Variants in C11orf65 observed in about 807,000 individuals in gnomAD.
The protein encoded by C11orf65 is chromosome 11 open reading frame 65.
In C11orf65, 38 loss-of-function variants were observed where a neutral mutation model predicts 35.3. The ratio of observed to expected loss-of-function variants is 1.08; its 90% CI spans 0.83 to 1.41. The LOEUF (loss-of-function observed/expected upper bound fraction) is 1.41. Among genes scored for constraint, C11orf65 ranks in the 40% most tolerant of loss-of-function variants. C11orf65 has a pLI of 0.00. For missense variants in C11orf65, 370 were observed against 367.1 expected, an observed-to-expected ratio of 1.01 and a Z score of -0.06; for synonymous variants, 105 against 114.4, an observed-to-expected ratio of 0.92 and a Z score of 0.53.
intron 2 of C11orf65, chr11:108,365,577 G>T (rs575824754): frequency 6.6e-7 from 1 of 1,522,912 alleles, no homozygotes; most frequent in South Asian, 1.2e-5. Context: ...TTTTTAACCT[G>T]CCAACATACT....
chr11:108,438,159 T>C (rs2093093490), intron 2 of C11orf65, among the ~76,000 whole-genome samples: 1 of 152,182 alleles, frequency 6.6e-6, no homozygotes, highest in African/African-American at 2.4e-5. Flanking sequence ...AAGAGGACAG[T>C]ATTTTCAACA....
chr11:108,357,495 C>T (rs2090138393), intron 2 of C11orf65, among the ~76,000 whole-genome samples: 1 of 152,202 alleles, frequency 6.6e-6, no homozygotes, highest in South Asian at 2.1e-4. Flanking sequence ...GGGGGCAGGG[C>T]ACAGACAAAC....
At chr11:108,315,766 A>G (rs2136114083) in intron 6 of C11orf65, 1 of 1,417,264 alleles carries the variant, frequency 7.1e-7, no homozygotes, top group Non-Finnish European at 9.9e-7. Flanking sequence ...AAAATTTGCT[A>G]AATTTATAGA....
intron 1 of C11orf65, among the ~76,000 whole-genome samples, chr11:108,462,150 C>G (rs1241063686): frequency 3.3e-5 from 5 of 152,122 alleles, no homozygotes; most frequent in Non-Finnish European, 7.3e-5. Flanking sequence ...CTCGATTGCT[C>G]CTCCTGCCTC....
chr11:108,387,922 T>C (rs1418683424), intron 7 of C11orf65, among the ~76,000 whole-genome samples: 1 of 152,238 alleles, frequency 6.6e-6, no homozygotes, highest in Non-Finnish European at 1.5e-5. Flanking sequence ...CTTTCTTCAA[T>C]GGCCTTCAAT....
intron 6 of C11orf65, among the ~76,000 whole-genome samples, chr11:108,404,586 CTTTTT>C (rs71047693): frequency 1.5e-5 from 2 of 136,834 alleles, no homozygotes; most frequent in South Asian, 4.6e-4. Flanking sequence ...TTTTTCTTTT[CTTTTT>C]TTTTTTTTTT....
intron 3 of C11orf65, chr11:108,334,940 A>G (rs780048287): frequency 1.9e-6 from 3 of 1,599,268 alleles, no homozygotes; most frequent in East Asian, 2.2e-5. Flanking sequence ...TATCTGACCT[A>G]TTATCAATCA....
At chr11:108,322,609 A>G (rs2085317632) in intron 6 of C11orf65, among the ~76,000 whole-genome samples, 1 of 152,226 alleles carries the variant, frequency 6.6e-6, no homozygotes, top group Admixed American at 6.5e-5. Context: ...GAAATAGTAT[A>G]GTTACTCAGG....
intron 3 of C11orf65, among the ~76,000 whole-genome samples, chr11:108,334,321 T>G (rs1181970976): frequency 6.6e-6 from 1 of 152,190 alleles, no homozygotes; most frequent in Non-Finnish European, 1.5e-5. Context: ...TTTTAAAAAT[T>G]CTATGTGCAG....
At chr11:108,314,398 A>AC (rs1393496533) in intron 6 of C11orf65, among the ~76,000 whole-genome samples, 3 of 151,472 alleles carry the variant, frequency 2.0e-5, no homozygotes, top group Admixed American at 6.6e-5. Context: ...GAGCCACTGC[A>AC]CCCAGCCCAT....
intron 2 of C11orf65, chr11:108,347,420 G>T (rs2137091050): frequency 1.4e-6 from 2 of 1,396,824 alleles, no homozygotes; most frequent in Non-Finnish European, 2.0e-6. Context: ...GGTCATCATG[G>T]AATGTTGTTT....
intron 2 of C11orf65, among the ~76,000 whole-genome samples, chr11:108,350,544 G>C (rs2089064213): frequency 6.6e-6 from 1 of 152,180 alleles, no homozygotes; most frequent in Non-Finnish European, 1.5e-5. Flanking sequence ...TTAGAACAGA[G>C]ACAGTCACGG....
chr11:108,447,327 T>C (rs2135585560), intron 2 of C11orf65, among the ~76,000 whole-genome samples: 1 of 152,176 alleles, frequency 6.6e-6, no homozygotes, highest in South Asian at 2.1e-4. Flanking sequence ...CAACAGAATA[T>C]ACATTTTTTT....
chr11:108,413,267 G>A (rs2092685859), intron 3 of C11orf65, among the ~76,000 whole-genome samples: 2 of 152,072 alleles, frequency 1.3e-5, no homozygotes, highest in Non-Finnish European at 2.9e-5. Context: ...GTCAAGTCAG[G>A]GCTTTTAGAG....
rs1286591737 is a variant in C11orf65 at position 108,382,887 on chromosome 11, CCTTA to C, written c.*130_*133del. On this transcript the variant is annotated 3_prime_UTR_variant, in exon 9 of 9. Coordinates refer to ENST00000393084, the MANE Select transcript of C11orf65 (RefSeq NM_152587.5). ...CAGTGTTCTATTTCTGCTCAATCTT[CCTTA>C]CTTAACTGAGCTAGATTCTGTGCCC... 9.8e-6 allele frequency: 15 copies of C among 1,524,960 alleles called. No homozygotes were observed. Among genetic ancestry groups the C allele is most frequent in the Non-Finnish European group, 1.3e-5 (15 of 1,147,998 alleles). The allele number at this position is 1,524,960 out of a possible 1,614,324, so 94.5% of individuals were successfully genotyped here.
At chr11:108,439,541 T>G (rs1425041883) in intron 2 of C11orf65, among the ~76,000 whole-genome samples, 1 of 152,194 alleles carries the variant, frequency 6.6e-6, no homozygotes, top group African/African-American at 2.4e-5. Flanking sequence ...AGCAGCATTA[T>G]TCACAGTAAC....
intron 6 of C11orf65, chr11:108,317,267 G>A (rs1004772249): frequency 6.6e-6 from 8 of 1,218,240 alleles, no homozygotes; most frequent in Non-Finnish European, 9.4e-6. Context: ...ATGATATTGT[G>A]AACTAAAATT....
chr11:108,360,184 T>C (rs1190686828), intron 2 of C11orf65, among the ~76,000 whole-genome samples: 3 of 149,908 alleles, frequency 2.0e-5, no homozygotes, highest in African/African-American at 7.3e-5. Flanking sequence ...GCAAATAAAC[T>C]AGAAAATCTA....
At chr11:108,333,424 T>A (rs1332512705) in intron 3 of C11orf65, among the ~76,000 whole-genome samples, 1 of 152,204 alleles carries the variant, frequency 6.6e-6, no homozygotes, top group African/African-American at 2.4e-5. Flanking sequence ...TCCCCATACT[T>A]TAATAATTGT....
Sources: allele counts gnomAD v4.1 joint callset (sites outside exome capture counted in the v4.1 genomes callset), GRCh38; gene constraint gnomAD v4.1.1; transcripts MANE v1.5; gene names NCBI Gene and HGNC (gene_info 2026-07-23, HGNC 2026-07-21).